The following PDE1C variants were observed in gnomAD, a reference collection of about 807,000 sequenced individuals.
The protein encoded by PDE1C is dual specificity calcium/calmodulin-dependent 3',5'-cyclic nucleotide phosphodiesterase 1C.
Under a neutral mutation model 93.1 loss-of-function variants are expected in PDE1C, and 62 were observed. The ratio of observed to expected loss-of-function variants is 0.67; its 90% CI spans 0.54 to 0.82. The LOEUF is 0.82. Ranked by LOEUF, PDE1C falls within the 40% of genes least tolerant of loss-of-function variation. The pLI, the probability that PDE1C is intolerant of heterozygous loss-of-function variation, is 0.00. For synonymous variants in PDE1C, 325 were observed against 310.1 expected (o/e 1.05, Z -0.50); for missense variants, 742 against 884.6 (o/e 0.84, Z 2.04).
chr7:32,329,103 AC>A (rs1389552195), intron 1 of PDE1C, among the ~76,000 whole-genome samples: 1 of 152,150 alleles, frequency 6.6e-6, no homozygotes, highest in Non-Finnish European at 1.5e-5. Context: ...GTGGTGGCAT[AC>A]ATGTGTAGTC....
chr7:31,853,848 G>T (rs942055860), intron 7 of PDE1C, among the ~76,000 whole-genome samples: 7 of 151,248 alleles, frequency 4.6e-5, no homozygotes, highest in Non-Finnish European at 1.0e-4. Flanking sequence ...TAAGGGCTGG[G>T]ACCATAGGCA....
intron 1 of PDE1C, among the ~76,000 whole-genome samples, chr7:32,406,238 T>C (rs1462588836): frequency 2.0e-5 from 3 of 152,114 alleles, no homozygotes; most frequent in Non-Finnish European, 4.4e-5. Context: ...CTTCTTAAGC[T>C]CTACAATGAG....
At chr7:32,064,734 A>T (rs1373793804) in intron 1 of PDE1C, among the ~76,000 whole-genome samples, 1 of 152,204 alleles carries the variant, frequency 6.6e-6, no homozygotes, top group Non-Finnish European at 1.5e-5. Flanking sequence ...CCTAGAACAC[A>T]GCACTTTTTT....
intron 1 of PDE1C, among the ~76,000 whole-genome samples, chr7:32,276,945 C>T (rs533698769): frequency 6.6e-6 from 1 of 152,158 alleles, no homozygotes; most frequent in African/African-American, 2.4e-5. Context: ...ATCCCTATAC[C>T]CCATATCACG....
chr7:32,374,705 T>C (rs1298731017), intron 1 of PDE1C, among the ~76,000 whole-genome samples: 1 of 152,254 alleles, frequency 6.6e-6, no homozygotes, highest in Non-Finnish European at 1.5e-5. Flanking sequence ...ATAACAATGG[T>C]TGTTGTTTTA....
intron 7 of PDE1C, among the ~76,000 whole-genome samples, chr7:31,857,779 T>C (rs1001574613): frequency 1.4e-4 from 22 of 152,090 alleles, no homozygotes; most frequent in African/African-American, 5.1e-4. Flanking sequence ...CATAAACAAA[T>C]AGCATATTCC....
rs896871955 is a variant in PDE1C, at chr7:31,850,850, A to T, written c.751-109T>A. On this transcript the variant is annotated intron_variant, in intron 7 of 17. Coordinates refer to ENST00000396191, the MANE Select transcript of PDE1C (RefSeq NM_001191057.4). ...CTTTCTACCCTGCAGCTGGTAAGCT[A>T]TTGCCAAACACAAGTTTTCTGAGAG... The T allele has an allele frequency of 3.9e-6, 3 of 760,198 alleles. No individual in the cohort carries two copies. In the African/African-American group the frequency reaches 5.1e-5, roughly 13 times the overall value. 47.1% of individuals were successfully genotyped at this position (760,198 alleles called of 1,614,324 possible). A position where few individuals can be genotyped will look rare whatever the true frequency, so the allele number is the denominator to read the frequency against.
intron 17 of PDE1C, among the ~76,000 whole-genome samples, chr7:31,757,801 A>G (rs1794564237): frequency 6.6e-6 from 1 of 152,228 alleles, no homozygotes; most frequent in South Asian, 2.1e-4. Flanking sequence ...TACTGGGTAT[A>G]TACCCAAAGG....
intron 2 of PDE1C, among the ~76,000 whole-genome samples, chr7:32,197,446 G>A (rs534670060): frequency 2.0e-5 from 3 of 152,144 alleles, no homozygotes; most frequent in Non-Finnish European, 2.9e-5. Flanking sequence ...CCATTCAGAG[G>A]TATATAAGCA....
the PDE1C span, among the ~76,000 whole-genome samples, chr7:31,719,750 A>C: frequency 1.3e-5 from 2 of 152,210 alleles, no homozygotes; most frequent in African/African-American, 4.8e-5. Flanking sequence ...GTGTTTGGGC[A>C]TACCAGTCAA....
intron 2 of PDE1C, among the ~76,000 whole-genome samples, chr7:31,896,081 A>C (rs1216558318): frequency 2.0e-5 from 3 of 152,022 alleles, no homozygotes; most frequent in Admixed American, 2.0e-4. Flanking sequence ...CATGAAGGTC[A>C]GGTCATACAT....
chr7:31,672,578 T>A, the PDE1C span, among the ~76,000 whole-genome samples: 107,288 of 151,632 alleles, frequency 0.71, 38,307 homozygotes, highest in East Asian at 0.82. Flanking sequence ...CCTTTTTTAT[T>A]TTTTAATTGT....
At chr7:31,623,529 A>G in the PDE1C span, among the ~76,000 whole-genome samples, 2 of 151,730 alleles carry the variant, frequency 1.3e-5, no homozygotes, top group Non-Finnish European at 2.9e-5. Context: ...ATAGATGCAG[A>G]AAAGGCCTTT....
intron 3 of PDE1C, among the ~76,000 whole-genome samples, chr7:32,097,105 T>C (rs543829234): frequency 3.3e-4 from 51 of 152,318 alleles, no homozygotes; most frequent in Non-Finnish European, 6.3e-4. Context: ...TTCTCTGCCT[T>C]ACTCAGCCTT....
At chr7:31,820,135 T>G (rs1788780866) in intron 14 of PDE1C, among the ~76,000 whole-genome samples, 1 of 152,054 alleles carries the variant, frequency 6.6e-6, no homozygotes, top group African/African-American at 2.4e-5. Context: ...GAATAAAATA[T>G]TCAAAAGAAA....
chr7:31,722,992 C>T, the PDE1C span, among the ~76,000 whole-genome samples: 1 of 152,158 alleles, frequency 6.6e-6, no homozygotes, highest in Non-Finnish European at 1.5e-5. Context: ...GAGAATTTCT[C>T]CACCTGATCT....
chr7:32,120,037 C>T (rs1236365522), intron 3 of PDE1C, among the ~76,000 whole-genome samples: 10 of 152,210 alleles, frequency 6.6e-5, no homozygotes, highest in East Asian at 1.9e-4. Context: ...CTCCAGGTCA[C>T]GCTTTTCCCC....
chr7:32,051,594 C>T lies in PDE1C; in HGVS notation c.102-14G>A. ...TTATATTTCCTCCTGTAAGAAAAGG[C>T]ATAAACATATATCAGAAAAGGGTTG... On this transcript the variant is annotated splice_polypyrimidine_tract_variant and intron_variant, in intron 1 of 17. Coordinates refer to ENST00000396191, the MANE Select transcript of PDE1C (RefSeq NM_001191057.4). 1 of 1,612,352 alleles carries T rather than the reference C, an allele frequency of 6.2e-7. No individual in the cohort carries two copies.
chr7:31,715,852 G>C, the PDE1C span, among the ~76,000 whole-genome samples: 2 of 152,146 alleles, frequency 1.3e-5, 1 homozygote, highest in South Asian at 4.1e-4. Context: ...CATCCCTACT[G>C]TTCCATGAGA....
Sources: gnomAD v4.1 joint callset for allele counts (sites outside exome capture counted in the v4.1 genomes callset) on GRCh38, gnomAD v4.1.1 for gene constraint, MANE v1.5 for transcripts, NCBI Gene and HGNC (gene_info 2026-07-23, HGNC 2026-07-21) for gene names.